The following FRMD4B variants were observed in gnomAD, a reference collection of about 807,000 sequenced individuals.
FRMD4B encodes the protein FERM domain containing 4B, also known as FERM domain-containing protein 4B.
FRMD4B carries 74 observed loss-of-function variants against 141.5 expected under a neutral mutation model. That is an observed-to-expected ratio of 0.52 (90% CI 0.43 to 0.63). The LOEUF (loss-of-function observed/expected upper bound fraction) is 0.63. FRMD4B is among the 30% of genes least tolerant of loss of function. The pLI is 0.00. For synonymous variants in FRMD4B, 506 were observed against 467.9 expected, an observed-to-expected ratio of 1.08 and a Z score of -1.05; for missense variants, 1,366 against 1,253.4, an observed-to-expected ratio of 1.09 and a Z score of -1.36.
At chr3:69,472,379 C>A in intron 1 of FRMD4B, 2 of 494,650 alleles carry the variant, frequency 4.0e-6, no homozygotes, top group South Asian at 1.5e-5. Context: ...CATCTCCACC[C>A]TCATTCTTAA....
intron 1 of FRMD4B, among the ~76,000 whole-genome samples, chr3:69,538,699 T>C (rs1701120249): frequency 6.6e-6 from 1 of 152,140 alleles, no homozygotes; most frequent in Non-Finnish European, 1.5e-5. Flanking sequence ...GTAAATCCAG[T>C]CATTGGGGAG....
intron 1 of FRMD4B, among the ~76,000 whole-genome samples, chr3:69,540,898 C>T (rs1030385271): frequency 6.6e-6 from 1 of 151,818 alleles, no homozygotes; most frequent in Non-Finnish European, 1.5e-5. Flanking sequence ...TGGATGATGC[C>T]CCAAAAGTGC....
chr3:69,221,314 T>C lies in FRMD4B; in HGVS notation c.731+544A>G, dbSNP rs186826650. On this transcript the variant is annotated intron_variant, in intron 9 of 22. Coordinates refer to ENST00000398540, the MANE Select transcript of FRMD4B (RefSeq NM_015123.3). ...TAAGTCACAAAATGTAGAAATACATTACAATGGCTTGTTGTTAGTAGCATG... is the reference window on the plus strand; with the variant it reads ...TAAGTCACAAAATGTAGAAATACATCACAATGGCTTGTTGTTAGTAGCATG... 5.3e-5 allele frequency among the ~76,000 whole-genome samples: 8 copies of C among 152,264 alleles called. No homozygotes were observed. The East Asian group carries it at 1.5e-3, about 29-fold the overall frequency.
At chr3:69,304,483 C>CAAAA (rs1313360753) in intron 3 of FRMD4B, among the ~76,000 whole-genome samples, 4 of 67,576 alleles carry the variant, frequency 5.9e-5, no homozygotes, top group Non-Finnish European at 5.9e-5. Context: ...GATTCTATCT[C>CAAAA]AAAAAAAAAA....
At chr3:69,229,469 G>T (rs1370818953) in intron 7 of FRMD4B, among the ~76,000 whole-genome samples, 1 of 152,164 alleles carries the variant, frequency 6.6e-6, no homozygotes, top group African/African-American at 2.4e-5. Flanking sequence ...ATAAGAACCT[G>T]TTTAATATAG....
At chr3:69,254,695 G>T (rs545642067) in intron 5 of FRMD4B, among the ~76,000 whole-genome samples, 1 of 152,224 alleles carries the variant, frequency 6.6e-6, no homozygotes, top group Non-Finnish European at 1.5e-5. Context: ...GGCTGGGAAA[G>T]GTCTGATTTG....
chr3:69,322,592 C>T (rs73105348), intron 1 of FRMD4B, among the ~76,000 whole-genome samples: 5 of 81,314 alleles, frequency 6.1e-5, no homozygotes, highest in African/African-American at 1.7e-4. Context: ...TTTTCTCTCT[C>T]TCTTTTTTTT....
At chr3:69,359,757 G>C (rs1236078494) in intron 1 of FRMD4B, among the ~76,000 whole-genome samples, 1 of 152,116 alleles carries the variant, frequency 6.6e-6, no homozygotes, top group Non-Finnish European at 1.5e-5. Context: ...CTTTTGACTT[G>C]GTTTTACCAT....
chr3:69,322,787 T>TG (rs1004443837), intron 1 of FRMD4B, among the ~76,000 whole-genome samples: 19 of 151,950 alleles, frequency 1.3e-4, no homozygotes, highest in African/African-American at 4.6e-4. Flanking sequence ...TTTGTAGAGA[T>TG]GGGGTCTTGC....
chr3:69,258,909 T>G (rs1438220392), intron 5 of FRMD4B, among the ~76,000 whole-genome samples: 1 of 152,180 alleles, frequency 6.6e-6, no homozygotes, highest in Admixed American at 6.5e-5. Flanking sequence ...CCAAGTTGTT[T>G]GGAGCAGCAG....
intron 1 of FRMD4B, among the ~76,000 whole-genome samples, chr3:69,477,908 C>T (rs1706030954): frequency 6.6e-6 from 1 of 151,978 alleles, no homozygotes; most frequent in African/African-American, 2.4e-5. Flanking sequence ...TTCAGAGATT[C>T]AACTTCTTCC....
chr3:69,447,657 C>T (rs1483787715), intron 1 of FRMD4B, among the ~76,000 whole-genome samples: 3 of 152,144 alleles, frequency 2.0e-5, no homozygotes, highest in Non-Finnish European at 4.4e-5. Flanking sequence ...ACATTTTTCT[C>T]TCCGAAGAAG....
At chr3:69,333,049 T>G (rs919095456) in intron 1 of FRMD4B, among the ~76,000 whole-genome samples, 2 of 152,190 alleles carry the variant, frequency 1.3e-5, no homozygotes, top group Admixed American at 1.3e-4. Context: ...TAAACTAGAA[T>G]TGTAAGCTGA....
chr3:69,514,887 A>T (rs984545587), intron 1 of FRMD4B, among the ~76,000 whole-genome samples: 10 of 152,196 alleles, frequency 6.6e-5, no homozygotes, highest in Non-Finnish European at 1.0e-4. Flanking sequence ...TGGATTCTCA[A>T]GGGACACTGA....
intron 2 of FRMD4B, among the ~76,000 whole-genome samples, chr3:69,405,483 AC>A (rs138975644): frequency 0.062 from 9,376 of 152,260 alleles, 881 homozygotes; most frequent in African/African-American, 0.2. Context: ...GAGGGTGGGT[AC>A]CATGACTGGC....
intron 1 of FRMD4B, chr3:69,535,929 G>A: frequency 2.6e-6 from 1 of 387,102 alleles, no homozygotes; most frequent in Non-Finnish European, 5.2e-6. Context: ...CTTACTCCCA[G>A]CTTTCATTTT....
intron 17 of FRMD4B, among the ~76,000 whole-genome samples, chr3:69,192,989 T>A (rs1244464537): frequency 6.6e-6 from 1 of 151,944 alleles, no homozygotes; most frequent in African/African-American, 2.4e-5. Flanking sequence ...GGCTAATTTT[T>A]AAAATATTTT....
intron 7 of FRMD4B, among the ~76,000 whole-genome samples, chr3:69,225,400 A>G (rs1037945175): frequency 6.6e-6 from 1 of 151,980 alleles, no homozygotes; most frequent in East Asian, 1.9e-4. Context: ...AACAGGCCGG[A>G]CACAGTGGCT....
At chr3:69,269,101 G>T (rs1272290777) in intron 5 of FRMD4B, among the ~76,000 whole-genome samples, 1 of 151,412 alleles carries the variant, frequency 6.6e-6, no homozygotes, top group Non-Finnish European at 1.5e-5. Context: ...GCTAATTTTT[G>T]TATTTTTAGT....
Sources: allele counts gnomAD v4.1 joint callset (sites outside exome capture counted in the v4.1 genomes callset), GRCh38; gene constraint gnomAD v4.1.1; transcripts MANE v1.5; gene names NCBI Gene and HGNC (gene_info 2026-07-23, HGNC 2026-07-21).